The following GLIS3 variants were observed in gnomAD, a reference collection of about 807,000 sequenced individuals.
GLIS3 encodes GLIS family zinc finger 3.
In GLIS3, 53 loss-of-function variants were observed where a neutral mutation model predicts 78.6. That is an observed-to-expected ratio of 0.67 (90% CI 0.54 to 0.85). The LOEUF (loss-of-function observed/expected upper bound fraction) is 0.85, where lower values mean the gene tolerates loss of function less well. Among genes scored for constraint, GLIS3 ranks in the 40% least tolerant of loss-of-function variants. The pLI is 0.00. For missense variants in GLIS3, 1,703 were observed against 1,231.1 expected (o/e 1.38, Z -5.74); for synonymous variants, 684 against 509.9 (o/e 1.34, Z -4.60).
In GLIS3 at chr9:4,172,029, T is replaced by C. The variant is rs147046150; in HGVS notation, c.389-46088A>G. ...TAATTCCAACAATTAACATATCTGC[T>C]AAATATTTCTCTTTTTGTAAAGTGC... is the stretch of plus-strand genomic sequence containing the variant. On this transcript the variant is annotated intron_variant, in intron 2 of 10. Coordinates refer to ENST00000381971, the MANE Select transcript of GLIS3 (RefSeq NM_001042413.2). Among the ~76,000 whole-genome samples, 837 of 152,278 alleles carry C rather than the reference T, an allele frequency of 5.5e-3. 7 individuals are homozygous for C. Among genetic ancestry groups the C allele is most frequent in the African/African-American group, 0.019 (771 of 41,550 alleles).
At chr9:3,929,262 T>C (rs1002236866) in intron 6 of GLIS3, among the ~76,000 whole-genome samples, 2 of 152,208 alleles carry the variant, frequency 1.3e-5, no homozygotes, top group Non-Finnish European at 2.9e-5. Flanking sequence ...TGTGTGGGTG[T>C]GCAGGAATTA....
intron 4 of GLIS3, among the ~76,000 whole-genome samples, chr9:4,028,413 C>T (rs1456460684): frequency 3.9e-5 from 6 of 152,228 alleles, no homozygotes; most frequent in South Asian, 2.1e-4. Context: ...TCTCAAATCA[C>T]GCAGCCTTTA....
At chr9:4,438,395 G>A in the GLIS3 span, among the ~76,000 whole-genome samples, 2 of 152,098 alleles carry the variant, frequency 1.3e-5, no homozygotes, top group South Asian at 4.1e-4. Flanking sequence ...ATGACAAATA[G>A]ACTTCATTTG....
chr9:4,045,234 C>T (rs1185272775), intron 4 of GLIS3, among the ~76,000 whole-genome samples: 1 of 152,110 alleles, frequency 6.6e-6, no homozygotes, highest in Non-Finnish European at 1.5e-5. Context: ...GAAGACGGTC[C>T]CCTTGCAAAT....
chr9:4,388,408 GT>G, the GLIS3 span, among the ~76,000 whole-genome samples: 4 of 152,082 alleles, frequency 2.6e-5, no homozygotes, highest in Non-Finnish European at 5.9e-5. Context: ...GCCAGGTGTG[GT>G]GGCTCACGCC....
intron 2 of GLIS3, among the ~76,000 whole-genome samples, chr9:4,164,212 C>A (rs1835710795): frequency 6.6e-6 from 1 of 152,184 alleles, no homozygotes; most frequent in Non-Finnish European, 1.5e-5. Flanking sequence ...AATCCTTGCT[C>A]TTTTCTCTCT....
intron 2 of GLIS3, among the ~76,000 whole-genome samples, chr9:4,135,170 G>C (rs183320764): frequency 1.1e-3 from 175 of 152,250 alleles, no homozygotes; most frequent in Non-Finnish European, 2.2e-3. Flanking sequence ...GTCTAGAATT[G>C]TCTACTTAGA....
At chr9:4,101,297 C>G (rs2130800647) in intron 4 of GLIS3, among the ~76,000 whole-genome samples, 1 of 152,288 alleles carries the variant, frequency 6.6e-6, no homozygotes, top group African/African-American at 2.4e-5. Context: ...GAAGATGTTA[C>G]TCTCTGGGGT....
chr9:4,381,920 C>T, the GLIS3 span, among the ~76,000 whole-genome samples: 10 of 152,176 alleles, frequency 6.6e-5, no homozygotes, highest in Admixed American at 6.5e-5. Flanking sequence ...TAATTGGTCC[C>T]GGCTGTGGCT....
At chr9:4,359,337 G>T in the GLIS3 span, among the ~76,000 whole-genome samples, 1,220 of 152,202 alleles carry the variant, frequency 8.0e-3, 19 homozygotes, top group African/African-American at 0.027. Context: ...TTACCTAGTG[G>T]ATTCACCCAA....
intron 4 of GLIS3, among the ~76,000 whole-genome samples, chr9:4,013,935 C>A (rs371086340): frequency 2.0e-5 from 3 of 152,148 alleles, no homozygotes; most frequent in Middle Eastern, 3.2e-3. Flanking sequence ...TATTTCAGCA[C>A]AAGAATGCTC....
chr9:4,350,789 G>A (rs147271919), upstream of GLIS3, among the ~76,000 whole-genome samples: 17 of 148,050 alleles, frequency 1.1e-4, no homozygotes, highest in African/African-American at 3.6e-4. Context: ...AAAACATCAG[G>A]GTTTGTTTTG....
chr9:3,965,043 T>G (rs974895643), intron 4 of GLIS3, among the ~76,000 whole-genome samples: 1 of 152,074 alleles, frequency 6.6e-6, no homozygotes, highest in African/African-American at 2.4e-5. Flanking sequence ...TAAAATACTC[T>G]GAGGGCCACA....
At chr9:4,123,973 A>G (rs1168651400) in intron 3 of GLIS3, 1 of 386,918 alleles carries the variant, frequency 2.6e-6, no homozygotes, top group East Asian at 3.6e-5. Context: ...CATGCCCCCA[A>G]TGTATAAAAC....
intron 4 of GLIS3, among the ~76,000 whole-genome samples, chr9:4,023,721 A>G (rs1273714237): frequency 5.3e-5 from 8 of 152,196 alleles, no homozygotes; most frequent in Non-Finnish European, 1.0e-4. Context: ...GAGACCAGCA[A>G]GAATTAGCAG....
intron 4 of GLIS3, among the ~76,000 whole-genome samples, chr9:4,065,601 T>C (rs962169292): frequency 1.3e-5 from 2 of 152,230 alleles, no homozygotes; most frequent in Non-Finnish European, 2.9e-5. Context: ...AGCACTGTTA[T>C]GTATTAACTG....
the GLIS3 span, among the ~76,000 whole-genome samples, chr9:4,414,426 A>G: frequency 6.6e-6 from 1 of 152,330 alleles, no homozygotes; most frequent in Middle Eastern, 3.4e-3. Flanking sequence ...GTGACAATGG[A>G]CAAGTTACTT....
intron 2 of GLIS3, among the ~76,000 whole-genome samples, chr9:4,161,944 C>T (rs1324785042): frequency 6.6e-6 from 1 of 152,004 alleles, no homozygotes; most frequent in Non-Finnish European, 1.5e-5. Flanking sequence ...CCTCGGCCTC[C>T]CAAAGTGGTG....
At chr9:3,844,649 T>C (rs1238654670) in intron 9 of GLIS3, among the ~76,000 whole-genome samples, 1 of 152,200 alleles carries the variant, frequency 6.6e-6, no homozygotes, top group African/African-American at 2.4e-5. Flanking sequence ...CATCAATAAA[T>C]TTCTGAGTTC....
Sources: gnomAD v4.1 joint callset for allele counts (sites outside exome capture counted in the v4.1 genomes callset) on GRCh38, gnomAD v4.1.1 for gene constraint, MANE v1.5 for transcripts, NCBI Gene and HGNC (gene_info 2026-07-23, HGNC 2026-07-21) for gene names.